Variants in NIPBL observed in about 807,000 individuals in gnomAD.
The protein encoded by NIPBL is nipped-B-like protein.
A neutral mutation model predicts 321.8 loss-of-function variants in NIPBL; 19 were observed. The ratio of observed to expected loss-of-function variants is 0.06; its 90% CI spans 0.04 to 0.09. The LOEUF (loss-of-function observed/expected upper bound fraction) is 0.09. NIPBL is among the 10% of genes least tolerant of loss of function. The pLI is 1.00. For synonymous variants in NIPBL, 1,106 were observed against 1,114.1 expected, an observed-to-expected ratio of 0.99 and a Z score of 0.14; for missense variants, 2,210 against 3,327.0, an observed-to-expected ratio of 0.66 and a Z score of 8.26.
chr5:36,880,378 A>C (rs952764986), intron 1 of NIPBL, among the ~76,000 whole-genome samples: 1 of 151,942 alleles, frequency 6.6e-6, no homozygotes, highest in African/African-American at 2.4e-5. Flanking sequence ...TTTGAGTTTT[A>C]TTTAATTTCA....
intron 2 of NIPBL, 47 bp from the exon 3 acceptor site, chr5:36,955,425 C>T: frequency 6.7e-7 from 1 of 1,486,896 alleles, no homozygotes; most frequent in South Asian, 1.1e-5. Context: ...ACTAAAGAGA[C>T]TTCTATAGTC....
intron 42 of NIPBL, among the ~76,000 whole-genome samples, chr5:37,056,567 ACT>A (rs1754111453): frequency 6.6e-6 from 1 of 152,170 alleles, no homozygotes; most frequent in South Asian, 2.1e-4. Context: ...TGTCAAAACA[ACT>A]CTGACATTCT....
chr5:37,061,489 G>A (rs1406937908), intron 45 of NIPBL, among the ~76,000 whole-genome samples: 3 of 152,048 alleles, frequency 2.0e-5, no homozygotes, highest in South Asian at 2.1e-4. Flanking sequence ...ACCAGCCTGG[G>A]CAACATGGCA....
intron 34 of NIPBL, among the ~76,000 whole-genome samples, chr5:37,042,758 G>A (rs767041983): frequency 2.4e-4 from 37 of 151,712 alleles, no homozygotes; most frequent in Admixed American, 3.3e-4. Context: ...CTCAGGAGGC[G>A]GAGGTTGCAG....
chr5:37,020,372 TC>T, intron 25 of NIPBL, 86 bp from the exon 26 acceptor site: 1 of 884,776 alleles, frequency 1.1e-6, no homozygotes, highest in Non-Finnish European at 1.8e-6. Flanking sequence ...ATATTTGTAT[TC>T]CTGTAATGTG....
At chr5:37,044,264 T>A in intron 34 of NIPBL, 83 bp from the exon 35 acceptor site, 1 of 1,334,842 alleles carries the variant, frequency 7.5e-7, no homozygotes, top group South Asian at 1.3e-5. Flanking sequence ...AAATGCCCTA[T>A]TTCTGCCCCC....
At chr5:36,978,932 G>T (rs1743829199) in intron 9 of NIPBL, among the ~76,000 whole-genome samples, 1 of 151,908 alleles carries the variant, frequency 6.6e-6, no homozygotes. Flanking sequence ...TCTCTATCCT[G>T]TTCCATTGAT....
At position 37,062,502 on chromosome 5, in the gene NIPBL, C is replaced by T. The variant is rs911829367; in HGVS notation, c.7861-1288C>T. Among the ~76,000 whole-genome samples the T allele has an allele frequency of 1.0e-4, 15 of 149,610 alleles. 2 individuals are homozygous for T. The highest frequency in any genetic ancestry group is 6.4e-4 in the South Asian group (3 of 4,698). Reference sequence around the variant, plus strand: ...TACCAAGGACCGGGGAAGGAAAGAACGGGGAGTTATTGTTTAATGAGGACA... The same window carrying T: ...TACCAAGGACCGGGGAAGGAAAGAATGGGGAGTTATTGTTTAATGAGGACA... On this transcript the variant is annotated intron_variant, in intron 45 of 46. Coordinates refer to ENST00000282516, the MANE Select transcript of NIPBL (RefSeq NM_133433.4).
chr5:36,956,416 C>G (rs1167313438), intron 3 of NIPBL, among the ~76,000 whole-genome samples: 1 of 151,750 alleles, frequency 6.6e-6, no homozygotes, highest in East Asian at 1.9e-4. Context: ...TGAGGATAAA[C>G]ACATTATAAT....
At chr5:36,956,907 G>A (rs150636328) in intron 3 of NIPBL, among the ~76,000 whole-genome samples, 1 of 152,026 alleles carries the variant, frequency 6.6e-6, no homozygotes, top group African/African-American at 2.4e-5. Flanking sequence ...TTATAGGTGT[G>A]AGCCACTGTG....
chr5:37,032,902 T>C (rs1206736865), intron 32 of NIPBL, among the ~76,000 whole-genome samples: 1 of 152,228 alleles, frequency 6.6e-6, no homozygotes, highest in Admixed American at 6.5e-5. Context: ...GTAAAAAATA[T>C]ACCTGTATCA....
rs1428297686 is a variant in NIPBL at position 37,033,726 on chromosome 5, ATATATTTTTTT to A, written c.5863-2651_5863-2641del. 6.3e-5 allele frequency among the ~76,000 whole-genome samples: 5 copies of A among 79,052 alleles called. No homozygotes were observed. In the East Asian group the frequency reaches 1.7e-3, roughly 27 times the overall value. The allele number at this position is 79,052 out of a possible 152,430, so 51.9% of individuals were successfully genotyped here. Reference sequence around the variant, plus strand: ...CACACATATATATATATATATATATATATATTTTTTTTTTTTTTTTTTTTAATGGCTTGGTC... The same window carrying A: ...CACACATATATATATATATATATATATTTTTTTTTTTTTAATGGCTTGGTC... On this transcript the variant is annotated intron_variant, in intron 32 of 46. Coordinates refer to ENST00000282516, the MANE Select transcript of NIPBL (RefSeq NM_133433.4).
rs770475786 is a variant in NIPBL, at chr5:36,985,517, G to T, written c.2337G>T (p.Val779=). ...GKPSTEKKPE[V]SKHKQDTKSD... The stretch of plus-strand genomic sequence containing the variant: ...CATCTACAGAGAAAAAACCTGAAGT[G>T]TCTAAACATAAACAAGATACTAAAT... Residue 779 remains valine (V), a synonymous_variant, in exon 10 of 47, where the codon GTG becomes GTT. Coordinates refer to ENST00000282516, the MANE Select transcript of NIPBL (RefSeq NM_133433.4). 1 of 1,613,620 alleles carries T rather than the reference G, an allele frequency of 6.2e-7. No homozygotes were observed. The highest frequency in any genetic ancestry group is 2.2e-5 in the East Asian group (1 of 44,862).
At chr5:36,951,203 G>A (rs1296330666) in intron 1 of NIPBL, among the ~76,000 whole-genome samples, 1 of 152,080 alleles carries the variant, frequency 6.6e-6, no homozygotes, top group Non-Finnish European at 1.5e-5. Context: ...TAATCTTCTA[G>A]TTCATACATG....
intron 4 of NIPBL, among the ~76,000 whole-genome samples, chr5:36,958,849 A>T (rs1316905721): frequency 3.3e-5 from 5 of 152,174 alleles, no homozygotes; most frequent in African/African-American, 1.2e-4. Flanking sequence ...CAAGATTAAA[A>T]TAGGGCAGGA....
At chr5:36,966,451 T>C (rs1742212385) in intron 6 of NIPBL, among the ~76,000 whole-genome samples, 1 of 152,116 alleles carries the variant, frequency 6.6e-6, no homozygotes, top group Non-Finnish European at 1.5e-5. Flanking sequence ...GTTGTGCACT[T>C]TACATTGTAT....
intron 17 of NIPBL, among the ~76,000 whole-genome samples, chr5:37,006,897 A>G (rs1747498645): frequency 6.6e-6 from 1 of 151,982 alleles, no homozygotes; most frequent in Non-Finnish European, 1.5e-5. Flanking sequence ...TTCAAGATAA[A>G]TACTCCTTTT....
intron 6 of NIPBL, among the ~76,000 whole-genome samples, chr5:36,968,042 G>A (rs201181683): frequency 6.9e-6 from 1 of 144,250 alleles, no homozygotes; most frequent in Non-Finnish European, 1.5e-5. Context: ...GTTGCAGTGA[G>A]CTGAGATCAC....
intron 1 of NIPBL, among the ~76,000 whole-genome samples, chr5:36,916,443 G>A (rs114891899): frequency 0.014 from 2,122 of 152,220 alleles, 55 homozygotes; most frequent in African/African-American, 0.049. Flanking sequence ...CTAAAACCAC[G>A]GAAGTGCCCT....
Sources: gnomAD v4.1 joint callset for allele counts (sites outside exome capture counted in the v4.1 genomes callset) on GRCh38, gnomAD v4.1.1 for gene constraint, MANE v1.5 for transcripts, NCBI Gene and HGNC (gene_info 2026-07-23, HGNC 2026-07-21) for gene names.